UNC13C: variants seen among roughly 807,000 people sequenced by gnomAD.
UNC13C encodes the protein unc-13 homolog C.
Under a neutral mutation model 245.4 loss-of-function variants are expected in UNC13C, and 174 were observed. That is an observed-to-expected ratio of 0.71 (90% CI 0.63 to 0.80). The LOEUF (loss-of-function observed/expected upper bound fraction) is 0.80, where lower values mean the gene tolerates loss of function less well. UNC13C is among the 30% of genes least tolerant of loss of function. UNC13C has a pLI of 0.00. For missense variants in UNC13C, 2,829 were observed against 2,602.9 expected (o/e 1.09, Z -1.89); for synonymous variants, 992 against 895.1 (o/e 1.11, Z -1.93).
At chr15:54,164,202 T>C (rs2033081983) in intron 4 of UNC13C, among the ~76,000 whole-genome samples, 3 of 152,210 alleles carry the variant, frequency 2.0e-5, no homozygotes, top group Non-Finnish European at 1.5e-5. Flanking sequence ...TGTAAATAGT[T>C]GGAATTTATG....
intron 26 of UNC13C, among the ~76,000 whole-genome samples, chr15:54,546,378 T>TTCATGCACCCA (rs1484159352): frequency 6.6e-6 from 1 of 151,888 alleles, no homozygotes; most frequent in Admixed American, 6.6e-5. Flanking sequence ...AGATGTCGGC[T>TTCATGCACCCA]TGATGGGTGC....
chr15:54,048,278 C>G (rs576310700), intron 2 of UNC13C, among the ~76,000 whole-genome samples: 2 of 152,168 alleles, frequency 1.3e-5, no homozygotes, highest in Non-Finnish European at 2.9e-5. Flanking sequence ...TTCTCTCAAT[C>G]TATTTGGAGA....
At chr15:54,045,328 T>A (rs1896989679) in intron 2 of UNC13C, among the ~76,000 whole-genome samples, 1 of 152,246 alleles carries the variant, frequency 6.6e-6, no homozygotes, top group Non-Finnish European at 1.5e-5. Flanking sequence ...CCCCATTGAA[T>A]TTGTTTAACA....
In UNC13C at chr15:53,978,540, C is replaced by T. The variant is rs952255349; in HGVS notation, c.-644C>T. On this transcript the variant is annotated 5_prime_UTR_variant, in exon 1 of 33. An upstream open reading frame in the 5' UTR gains an earlier in-frame stop. Coordinates refer to ENST00000260323, the MANE Select transcript of UNC13C (RefSeq NM_001080534.3). ...AATGTTGATGAGCCTGGGCGCTCCT[C>T]AACACACGGGAGAGATCCCATTTTG... 6.6e-6 allele frequency among the ~76,000 whole-genome samples: 1 copy of T among 152,154 alleles called. No individual in the cohort carries two copies. The highest frequency in any genetic ancestry group is 2.4e-5 in the African/African-American group (1 of 41,458).
At chr15:54,034,110 C>T (rs1337091953) in intron 2 of UNC13C, among the ~76,000 whole-genome samples, 2 of 152,168 alleles carry the variant, frequency 1.3e-5, no homozygotes, top group East Asian at 3.9e-4. Context: ...AGGCTGACCC[C>T]TGTGTATTGG....
In UNC13C at chr15:53,990,294, G is replaced by A. The variant is rs1394315430; in HGVS notation, c.-257+11367G>A. 7.2e-5 allele frequency among the ~76,000 whole-genome samples: 11 copies of A among 151,844 alleles called. 1 individual carries two copies. Among genetic ancestry groups the A allele is most frequent in the Admixed American group, 6.6e-4 (10 of 15,220 alleles). ...TATTCCATGTATCAATGGGATCATC[G>A]ATGAAGAAGAGATTATGAGTGAAAA... On this transcript the variant is annotated intron_variant, in intron 1 of 32. Coordinates refer to ENST00000260323, the MANE Select transcript of UNC13C (RefSeq NM_001080534.3).
intron 14 of UNC13C, 120 bp downstream of exon 14, chr15:54,322,215 C>T (rs73415703): frequency 1.3e-5 from 12 of 920,244 alleles, no homozygotes; most frequent in South Asian, 6.7e-5. Context: ...TAGGGAATAG[C>T]GTAATGGGTT....
intron 4 of UNC13C, among the ~76,000 whole-genome samples, chr15:54,184,953 C>T (rs867076730): frequency 1.4e-3 from 212 of 152,130 alleles, no homozygotes; most frequent in Middle Eastern, 6.8e-3. Flanking sequence ...TTTTAATGAT[C>T]ACCATTCTAA....
chr15:54,091,509 A>G (rs1899572116), intron 2 of UNC13C, among the ~76,000 whole-genome samples: 3 of 152,088 alleles, frequency 2.0e-5, no homozygotes, highest in Non-Finnish European at 4.4e-5. Flanking sequence ...CTACTATTGT[A>G]TGGTTTTCTA....
chr15:54,505,962 G>C (rs1032630432), intron 22 of UNC13C, among the ~76,000 whole-genome samples: 1 of 151,954 alleles, frequency 6.6e-6, no homozygotes, highest in South Asian at 2.1e-4. Context: ...TAGGCCATAG[G>C]GCATACTTCA....
At chr15:53,844,333 G>A in the UNC13C span, among the ~76,000 whole-genome samples, 13 of 152,018 alleles carry the variant, frequency 8.6e-5, no homozygotes, top group African/African-American at 3.1e-4. Context: ...TCCATTAAAG[G>A]CAGCAAAGCA....
chr15:53,918,760 T>C, the UNC13C span, among the ~76,000 whole-genome samples: 1 of 152,190 alleles, frequency 6.6e-6, no homozygotes, highest in African/African-American at 2.4e-5. Context: ...CGGATGCTTC[T>C]TCCTGGAAGT....
chr15:54,038,221 C>G (rs931872117), intron 2 of UNC13C, among the ~76,000 whole-genome samples: 8 of 148,476 alleles, frequency 5.4e-5, no homozygotes, highest in African/African-American at 1.0e-4. Context: ...TTCCCTGGTT[C>G]AAGCAATTCT....
chr15:54,225,164 CTCTG>C (rs201991137), intron 4 of UNC13C, among the ~76,000 whole-genome samples: 13,108 of 145,048 alleles, frequency 0.09, 838 homozygotes, highest in South Asian at 0.22. Flanking sequence ...TTTCTGAGTT[CTCTG>C]TCTTTTTTTT....
Position 54,297,938 on chromosome 15 carries a change from G to A in UNC13C, c.4104+12G>A, listed in dbSNP as rs2037479529. 1.4e-6 allele frequency: 2 copies of A among 1,415,338 alleles called. No individual in the cohort carries two copies. The highest frequency in any genetic ancestry group is 1.3e-5 in the South Asian group (1 of 79,502). 87.7% of individuals were successfully genotyped at this position (1,415,338 alleles called of 1,614,324 possible). A position where few individuals can be genotyped will look rare whatever the true frequency, so the allele number is the denominator to read the frequency against. The stretch of plus-strand genomic sequence containing the variant: ...CATGTTTACATGAGGTAAATAAATG[G>A]AATTTTACTAATACAAAATATAAGA... On this transcript the variant is annotated intron_variant, in intron 12 of 32. Coordinates refer to ENST00000260323, the MANE Select transcript of UNC13C (RefSeq NM_001080534.3).
intron 14 of UNC13C, among the ~76,000 whole-genome samples, chr15:54,329,229 C>A (rs948478272): frequency 6.6e-6 from 1 of 151,344 alleles, no homozygotes; most frequent in Admixed American, 6.6e-5. Flanking sequence ...ATGATAAAAT[C>A]GGAATAACTG....
At chr15:54,518,556 A>T (rs1015984329) in intron 24 of UNC13C, among the ~76,000 whole-genome samples, 1 of 152,232 alleles carries the variant, frequency 6.6e-6, no homozygotes, top group Non-Finnish European at 1.5e-5. Flanking sequence ...TCAGTTGCTC[A>T]TGCCTGCTTT....
chr15:54,578,623 A>G (rs1263095661), intron 30 of UNC13C, among the ~76,000 whole-genome samples: 1 of 152,238 alleles, frequency 6.6e-6, no homozygotes, highest in Non-Finnish European at 1.5e-5. Flanking sequence ...ATAACCACTC[A>G]CACTGCAGTT....
chr15:54,163,881 T>A (rs2141271505), intron 4 of UNC13C, among the ~76,000 whole-genome samples: 1 of 152,292 alleles, frequency 6.6e-6, no homozygotes, highest in South Asian at 2.1e-4. Context: ...AGAATTATAG[T>A]TCTCAGAATG....
Sources: allele counts gnomAD v4.1 joint callset (sites outside exome capture counted in the v4.1 genomes callset), GRCh38; gene constraint gnomAD v4.1.1; transcripts MANE v1.5; gene names NCBI Gene and HGNC (gene_info 2026-07-23, HGNC 2026-07-21).